The following ERC2 variants were observed in gnomAD, a reference collection of about 807,000 sequenced individuals.
The protein encoded by ERC2 is ERC protein 2.
ERC2 carries 42 observed loss-of-function variants against 114.8 expected under a neutral mutation model. The observed-to-expected ratio is 0.37, with a 90% CI of 0.29 to 0.47. The LOEUF (loss-of-function observed/expected upper bound fraction) is 0.47. ERC2 is among the 20% of genes least tolerant of loss of function. The pLI is 0.99. For missense variants in ERC2, 939 were observed against 1,150.7 expected (o/e 0.82, Z 2.66); for synonymous variants, 454 against 425.5 (o/e 1.07, Z -0.82).
intron 17 of ERC2, among the ~76,000 whole-genome samples, chr3:55,668,785 G>T (rs2061450549): frequency 6.6e-6 from 1 of 152,134 alleles, no homozygotes; most frequent in Non-Finnish European, 1.5e-5. Context: ...CAGAGTCCTT[G>T]AATTCTTCTT....
chr3:56,183,238 G>C (rs1246737603), intron 3 of ERC2, among the ~76,000 whole-genome samples: 1 of 152,124 alleles, frequency 6.6e-6, no homozygotes, highest in African/African-American at 2.4e-5. Flanking sequence ...ACACAATAAA[G>C]CAAGAAGTTA....
chr3:55,738,793 G>T (rs548760807), intron 14 of ERC2, among the ~76,000 whole-genome samples: 1 of 152,226 alleles, frequency 6.6e-6, no homozygotes, highest in Non-Finnish European at 1.5e-5. Context: ...TTAAGTTCTG[G>T]TGCACATGTG....
intron 2 of ERC2, among the ~76,000 whole-genome samples, chr3:56,420,100 A>C (rs1411197218): frequency 2.0e-5 from 3 of 149,900 alleles, no homozygotes; most frequent in African/African-American, 7.3e-5. Context: ...TGAATCGGTG[A>C]GTTTTAATTT....
At chr3:56,244,248 C>T (rs2051522442) in intron 3 of ERC2, among the ~76,000 whole-genome samples, 1 of 152,080 alleles carries the variant, frequency 6.6e-6, no homozygotes, top group African/African-American at 2.4e-5. Context: ...GCAAACAAAC[C>T]TACTGCACTG....
At chr3:55,815,114 A>G (rs1278588200) in intron 14 of ERC2, among the ~76,000 whole-genome samples, 1 of 152,200 alleles carries the variant, frequency 6.6e-6, no homozygotes, top group Admixed American at 6.5e-5. Flanking sequence ...ATGGGGCCTA[A>G]CATAGAGCAG....
At chr3:55,824,012 T>C (rs905200578) in intron 14 of ERC2, among the ~76,000 whole-genome samples, 2 of 152,194 alleles carry the variant, frequency 1.3e-5, no homozygotes, top group African/African-American at 4.8e-5. Context: ...TCTTGCTGTG[T>C]CCTCACATGG....
At position 55,650,369 on chromosome 3, in the gene ERC2, C is replaced by G. The variant is rs9847624; in HGVS notation, c.*39+33425G>C. 1.2e-4 allele frequency among the ~76,000 whole-genome samples: 19 copies of G among 152,286 alleles called. No homozygotes were observed. In the East Asian group the frequency reaches 3.7e-3, roughly 29 times the overall value. Reference sequence around the variant, plus strand: ...CCAATTTCATCTACCATCTCTCCCCCCATCTCACTTGATGATCACCACCCT... The same window carrying G: ...CCAATTTCATCTACCATCTCTCCCCGCATCTCACTTGATGATCACCACCCT... On this transcript the variant is annotated intron_variant, in intron 17 of 17. Coordinates refer to ENST00000288221, the MANE Select transcript of ERC2 (RefSeq NM_015576.3).
chr3:56,143,866 C>A (rs975385647), intron 5 of ERC2, among the ~76,000 whole-genome samples: 1 of 152,148 alleles, frequency 6.6e-6, no homozygotes, highest in Non-Finnish European at 1.5e-5. Context: ...CTGACATAAA[C>A]AATAACAAGC....
At chr3:55,625,383 A>G (rs1200734545) in intron 17 of ERC2, among the ~76,000 whole-genome samples, 6 of 151,622 alleles carry the variant, frequency 4.0e-5, no homozygotes, top group Non-Finnish European at 7.4e-5. Flanking sequence ...AGAAAAAAAA[A>G]AAAAAAAGAA....
At chr3:55,667,366 T>C (rs2061394700) in intron 17 of ERC2, among the ~76,000 whole-genome samples, 1 of 152,224 alleles carries the variant, frequency 6.6e-6, no homozygotes, top group Admixed American at 6.5e-5. Context: ...ATGGAGACCT[T>C]TAAAAAGATT....
intron 14 of ERC2, among the ~76,000 whole-genome samples, chr3:55,749,825 T>G (rs2066561677): frequency 6.6e-6 from 1 of 152,194 alleles, no homozygotes; most frequent in Admixed American, 6.5e-5. Context: ...TACTGCCCAC[T>G]CTTTGGATCA....
intron 14 of ERC2, among the ~76,000 whole-genome samples, chr3:55,738,186 G>A (rs1450552663): frequency 6.6e-6 from 1 of 151,950 alleles, no homozygotes; most frequent in Non-Finnish European, 1.5e-5. Context: ...ATGCCAGTAG[G>A]GAAGATCTCA....
chr3:55,709,239 C>T (rs1313344242), intron 15 of ERC2, among the ~76,000 whole-genome samples: 2 of 151,860 alleles, frequency 1.3e-5, no homozygotes, highest in East Asian at 1.9e-4. Flanking sequence ...CAGCGCCCTC[C>T]GAAAGAGGCC....
intron 6 of ERC2, among the ~76,000 whole-genome samples, chr3:56,115,053 A>C (rs1385590940): frequency 6.6e-6 from 1 of 152,188 alleles, no homozygotes; most frequent in East Asian, 1.9e-4. Flanking sequence ...GGTATTTTTC[A>C]GACCCTGAAT....
chr3:56,086,532 C>T (rs2077512561), intron 6 of ERC2, among the ~76,000 whole-genome samples: 1 of 149,878 alleles, frequency 6.7e-6, no homozygotes, highest in African/African-American at 2.5e-5. Flanking sequence ...ACATGAACCA[C>T]AGGCAATTCA....
At chr3:56,420,608 G>A (rs1019213326) in intron 2 of ERC2, among the ~76,000 whole-genome samples, 8 of 151,954 alleles carry the variant, frequency 5.3e-5, no homozygotes, top group Non-Finnish European at 7.4e-5. Context: ...TTTGGGGGCC[G>A]GGTGTGGTGG....
intron 3 of ERC2, among the ~76,000 whole-genome samples, chr3:56,195,393 C>G (rs2048032560): frequency 6.6e-6 from 1 of 151,940 alleles, no homozygotes; most frequent in African/African-American, 2.4e-5. Context: ...TATTTTCTGA[C>G]CAATGATGAC....
At chr3:55,690,447 T>TG (rs1284366366) in intron 16 of ERC2, among the ~76,000 whole-genome samples, 2 of 152,152 alleles carry the variant, frequency 1.3e-5, no homozygotes, top group African/African-American at 4.8e-5. Context: ...CTTAGACAAA[T>TG]GCGACTGGAT....
intron 2 of ERC2, among the ~76,000 whole-genome samples, chr3:56,370,587 G>GTT (rs1404693067): frequency 0.019 from 2,641 of 137,754 alleles, 70 homozygotes; most frequent in African/African-American, 0.045. Context: ...TTTGGTGGGG[G>GTT]TTTTTTTGTT....
Sources: gnomAD v4.1 joint callset for allele counts (sites outside exome capture counted in the v4.1 genomes callset) on GRCh38, gnomAD v4.1.1 for gene constraint, MANE v1.5 for transcripts, NCBI Gene and HGNC (gene_info 2026-07-23, HGNC 2026-07-21) for gene names.